Variants in FASTKD2 observed in about 807,000 individuals in gnomAD.
FASTKD2 encodes FAST kinase domains 2.
FASTKD2 carries 51 observed loss-of-function variants against 63.6 expected under a neutral mutation model. The observed-to-expected ratio is 0.80, with a 90% CI of 0.64 to 1.01. FASTKD2 has a LOEUF of 1.01. Ranked by LOEUF, FASTKD2 falls within the 50% of genes least tolerant of loss-of-function variation. The pLI is 0.00. For synonymous variants in FASTKD2, 284 were observed against 293.4 expected (o/e 0.97, Z 0.33); for missense variants, 786 against 831.1 (o/e 0.95, Z 0.67).
chr2:206,786,934 GACCAATTCTGCACT>G lies in FASTKD2; in HGVS notation c.1594+40_1594+53del, dbSNP rs777143680. 7.0e-6 allele frequency: 7 copies of G among 995,126 alleles called. No individual in the cohort carries two copies. The Admixed American group carries it at 1.1e-4, about 16-fold the overall frequency. The allele number at this position is 995,126 out of a possible 1,614,324, so 61.6% of individuals were successfully genotyped here. ...TAGTGCAGAATTGGTCACCAATTGTGACCAATTCTGCACTACCACTAGCTACCATATGACTCTGA... is the reference window on the plus strand; with the variant it reads ...TAGTGCAGAATTGGTCACCAATTGTGACCACTAGCTACCATATGACTCTGA... On this transcript the variant is annotated intron_variant, in intron 8 of 11. Coordinates refer to ENST00000402774, the MANE Select transcript of FASTKD2 (RefSeq NM_001136193.2).
rs79454411 is a variant in FASTKD2 at position 206,790,095 on chromosome 2, T to G, written c.1899-477T>G. Reference sequence around the variant, plus strand: ...TTTACAGATTTTATTTTAACAGTCTTGCCTTTCTCTTGGTGTTTTCTTTCT... The same window carrying G: ...TTTACAGATTTTATTTTAACAGTCTGGCCTTTCTCTTGGTGTTTTCTTTCT... On this transcript the variant is annotated intron_variant, in intron 10 of 11. Coordinates refer to ENST00000402774, the MANE Select transcript of FASTKD2 (RefSeq NM_001136193.2). 6.0e-3 allele frequency: 931 copies of G among 154,902 alleles called. 14 individuals carry two copies. Among genetic ancestry groups the G allele is most frequent in the African/African-American group, 0.021 (888 of 41,566 alleles). 9.6% of individuals were successfully genotyped at this position (154,902 alleles called of 1,614,324 possible).
rs1047670507 is a variant in FASTKD2, at chr2:206,790,214, C to A, written c.1899-358C>A. 4.3e-5 allele frequency: 10 copies of A among 232,694 alleles called. No individual in the cohort carries two copies. The Admixed American group carries it at 4.6e-4, about 11-fold the overall frequency. The allele number at this position is 232,694 out of a possible 1,614,324, so 14.4% of individuals were successfully genotyped here. On this transcript the variant is annotated intron_variant, in intron 10 of 11. Transcript: ENST00000402774. ...CATTTACTATTTGGTATTATTTACACCGTTACTACTACTGGTAGAATAAAT... is the reference window on the plus strand; with the variant it reads ...CATTTACTATTTGGTATTATTTACAACGTTACTACTACTGGTAGAATAAAT...
chr2:206,787,723 A>G (rs1028094314), intron 8 of FASTKD2, among the ~76,000 whole-genome samples: 2 of 152,206 alleles, frequency 1.3e-5, no homozygotes, highest in Non-Finnish European at 2.9e-5. Context: ...TTGAAGCCTT[A>G]AAACATTATC....
chr2:206,777,272 T>A (rs1404119277), intron 7 of FASTKD2, among the ~76,000 whole-genome samples: 1 of 152,156 alleles, frequency 6.6e-6, no homozygotes, highest in Non-Finnish European at 1.5e-5. Flanking sequence ...GAAGAAAATA[T>A]TTGTTTTTCA....
chr2:206,774,509 A>G (rs1689772229), intron 7 of FASTKD2, 112 bp downstream of exon 7: 1 of 721,500 alleles, frequency 1.4e-6, no homozygotes, highest in African/African-American at 1.8e-5. Context: ...GTCATCATCC[A>G]TGCCAATAAA....
At chr2:206,771,053 G>T (rs1253752694) in intron 3 of FASTKD2, 129 bp from the exon 4 acceptor site, 2 of 655,376 alleles carry the variant, frequency 3.1e-6, no homozygotes, top group Non-Finnish European at 5.5e-6. Context: ...ACTCTCTCAA[G>T]CAGGTAGATC....
chr2:206,784,796 G>A (rs1054449600), intron 7 of FASTKD2, among the ~76,000 whole-genome samples: 6 of 152,266 alleles, frequency 3.9e-5, no homozygotes, highest in African/African-American at 1.2e-4. Flanking sequence ...TTATTTGTTC[G>A]TTTAGTCAGC....
Position 206,786,781 on chromosome 2 carries a change from T to G in FASTKD2, c.1476T>G (p.Thr492=), listed in dbSNP as rs1690148583. The G allele has an allele frequency of 1.9e-6, 3 of 1,613,900 alleles. No individual in the cohort carries two copies. ...MASALTGYLH[T]ISSENLLDAV... The stretch of plus-strand genomic sequence containing the variant: ...GTGCTCTGACTGGTTATCTTCACAC[T>G]ATTTCTTCTGAAAACTTATTGGATG... The change falls in exon 8 of 12, where the codon ACT becomes ACG. Residue 492 remains threonine (T), a synonymous_variant. Coordinates refer to ENST00000402774, the MANE Select transcript of FASTKD2 (RefSeq NM_001136193.2).
chr2:206,776,204 A>T (rs1689820566), intron 7 of FASTKD2, among the ~76,000 whole-genome samples: 1 of 151,726 alleles, frequency 6.6e-6, no homozygotes, highest in African/African-American at 2.4e-5. Context: ...ATTAAGTTTT[A>T]TATAAACTTA....
In FASTKD2 at chr2:206,772,174, C is replaced by T; in HGVS notation, c.1115-7C>T. 4 of 1,610,752 alleles carry T rather than the reference C, an allele frequency of 2.5e-6. No individual in the cohort carries two copies. The highest frequency in any genetic ancestry group is 3.4e-6 in the Non-Finnish European group (4 of 1,176,952). On this transcript the variant is annotated splice_polypyrimidine_tract_variant and splice_region_variant and intron_variant, in intron 5 of 11. Coordinates refer to ENST00000402774, the MANE Select transcript of FASTKD2 (RefSeq NM_001136193.2). ...TTTTTGTTTGTTTATTTAACTCATT[C>T]TTCAAGATAATATCCATGGGTGTCC...
intron 8 of FASTKD2, 30 bp downstream of exon 8, chr2:206,786,929 A>C: frequency 2.4e-6 from 2 of 845,764 alleles, no homozygotes; most frequent in East Asian, 3.8e-5. Context: ...TTGGTCACCA[A>C]TTGTGACCAA....
rs748507111 is a variant in FASTKD2 at position 206,771,265 on chromosome 2, C to T, written c.965C>T (p.Pro322Leu). 49 of 1,606,902 alleles carry T rather than the reference C, an allele frequency of 3.0e-5. No individual in the cohort carries two copies. Among genetic ancestry groups the T allele is most frequent in the Middle Eastern group, 1.6e-4 (1 of 6,064 alleles). Residue 322 changes from proline (P) to leucine (L), a missense_variant, in exon 4 of 12, where the codon CCG (proline) becomes CTG (leucine). Pro to Leu is a moderately conservative substitution (Grantham distance 98). Transcript: ENST00000402774. ...ATGAAGTGTATTGGAAAAGATGCACCGATTGCTCTTAAGAGGAAACTGGAG... is the reference window on the plus strand; with the variant it reads ...ATGAAGTGTATTGGAAAAGATGCACTGATTGCTCTTAAGAGGAAACTGGAG... ...VVMKCIGKDA[P>L]IALKRKLEMK...
chr2:206,783,257 C>T (rs2241347), intron 7 of FASTKD2: 39,090 of 146,536 alleles, frequency 0.27, 6,170 homozygotes, highest in East Asian at 0.71. Context: ...ACCCAGTCTC[C>T]GGTGCAGCCT....
intron 3 of FASTKD2, among the ~76,000 whole-genome samples, chr2:206,770,439 A>T (rs968850047): frequency 2.0e-5 from 3 of 152,062 alleles, no homozygotes; most frequent in Non-Finnish European, 2.9e-5. Context: ...AATCTAAATT[A>T]ATTTATTTTA....
intron 4 of FASTKD2, 85 bp from the exon 5 acceptor site, chr2:206,771,809 C>A: frequency 1.8e-6 from 2 of 1,124,440 alleles, no homozygotes; most frequent in Non-Finnish European, 2.6e-6. Context: ...TGGGTGACAG[C>A]ACAAGACCCT....
intron 7 of FASTKD2, among the ~76,000 whole-genome samples, chr2:206,775,882 A>G (rs1689811761): frequency 6.6e-6 from 1 of 151,496 alleles, no homozygotes; most frequent in Non-Finnish European, 1.5e-5. Context: ...CTTCTCCAAC[A>G]CTTGTTAGAT....
At chr2:206,786,216 A>G (rs896461092) in intron 7 of FASTKD2, among the ~76,000 whole-genome samples, 4 of 151,516 alleles carry the variant, frequency 2.6e-5, no homozygotes, top group Admixed American at 6.6e-5. Flanking sequence ...TAACCACGTT[A>G]TACTGTGTAC....
At chr2:206,782,221 C>G (rs1690008827) in intron 7 of FASTKD2, among the ~76,000 whole-genome samples, 1 of 152,196 alleles carries the variant, frequency 6.6e-6, no homozygotes, top group Non-Finnish European at 1.5e-5. Context: ...CCAAGGTGAT[C>G]TCCTTGGTGC....
At position 206,768,583 on chromosome 2, in the gene FASTKD2, C is replaced by T. The variant is rs1023487461; in HGVS notation, c.777+1113C>T. Reference sequence around the variant, plus strand: ...GGGTGTGATGTACTTGCCTGTGGTCCCAGCTACTTGGGAGGCTGAGGTGGG... The same window carrying T: ...GGGTGTGATGTACTTGCCTGTGGTCTCAGCTACTTGGGAGGCTGAGGTGGG... On this transcript the variant is annotated intron_variant, in intron 2 of 11. Coordinates refer to ENST00000402774, the MANE Select transcript of FASTKD2 (RefSeq NM_001136193.2). Among the ~76,000 whole-genome samples the T allele has an allele frequency of 3.9e-5, 6 of 152,082 alleles. No homozygotes were observed. The East Asian group carries it at 1.2e-3, about 29-fold the overall frequency.
Sources: allele counts gnomAD v4.1 joint callset (sites outside exome capture counted in the v4.1 genomes callset), GRCh38; gene constraint gnomAD v4.1.1; transcripts MANE v1.5; gene names NCBI Gene and HGNC (gene_info 2026-07-23, HGNC 2026-07-21).